The following RPS6KA2 variants were observed in gnomAD, a reference collection of about 807,000 sequenced individuals.
The protein encoded by RPS6KA2 is ribosomal protein S6 kinase A2.
RPS6KA2 carries 42 observed loss-of-function variants against 91.8 expected under a neutral mutation model. The ratio of observed to expected loss-of-function variants is 0.46; its 90% confidence interval spans 0.36 to 0.59. RPS6KA2 has a LOEUF of 0.59. Ranked by LOEUF, RPS6KA2 falls within the 20% of genes least tolerant of loss-of-function variation. RPS6KA2 has a pLI of 0.00. For missense variants in RPS6KA2, 798 were observed against 978.5 expected (o/e 0.82, Z 2.46); for synonymous variants, 414 against 393.6 (o/e 1.05, Z -0.61).
At chr6:166,428,078 A>G (rs1299635131) in intron 16 of RPS6KA2, among the ~76,000 whole-genome samples, 3 of 151,922 alleles carry the variant, frequency 2.0e-5, no homozygotes, top group Non-Finnish European at 4.4e-5. Context: ...AGTAACCAAA[A>G]CAGCATGGTA....
chr6:166,763,732 A>G (rs1370056666), intron 2 of RPS6KA2, among the ~76,000 whole-genome samples: 1 of 152,214 alleles, frequency 6.6e-6, no homozygotes, highest in Non-Finnish European at 1.5e-5. Flanking sequence ...GTGAGGCACC[A>G]CACGGATGAA....
intron 2 of RPS6KA2, among the ~76,000 whole-genome samples, chr6:166,811,255 G>A (rs78272249): frequency 2.1e-3 from 321 of 152,318 alleles, no homozygotes; most frequent in African/African-American, 7.3e-3. Flanking sequence ...TCAGCCAAGT[G>A]GGACTGGACT....
chr6:166,488,791 G>T lies in RPS6KA2; in HGVS notation c.907+42C>A, dbSNP rs770530236. ...TCTCCACTGTAGCTTGCGGGGCAGC[G>T]CCCTGCACGTTCCCGTGGTGGGGTG... On this transcript the variant is annotated intron_variant, in intron 10 of 20. Coordinates refer to ENST00000265678, the MANE Select transcript of RPS6KA2 (RefSeq NM_021135.6). The T allele has an allele frequency of 6.7e-6, 10 of 1,495,568 alleles. No homozygotes were observed. In the African/African-American group the frequency reaches 6.9e-5, roughly 10 times the overall value. The allele number at this position is 1,495,568 out of a possible 1,614,324, so 92.6% of individuals were successfully genotyped here.
At chr6:166,629,115 C>T (rs143404643), upstream of RPS6KA2, among the ~76,000 whole-genome samples, 663 of 152,340 alleles carry the variant, frequency 4.4e-3, 7 homozygotes, top group South Asian at 0.025. Flanking sequence ...ACACTCTGTA[C>T]CCAGCACGGG....
intron 2 of RPS6KA2, among the ~76,000 whole-genome samples, chr6:166,786,955 G>A (rs1421662612): frequency 2.0e-5 from 3 of 152,058 alleles, no homozygotes; most frequent in African/African-American, 7.2e-5. Context: ...TTGCAATGTG[G>A]GTTTTAAATG....
chr6:166,811,788 A>G (rs575145232), intron 2 of RPS6KA2, among the ~76,000 whole-genome samples: 34 of 152,226 alleles, frequency 2.2e-4, no homozygotes, highest in Non-Finnish European at 3.2e-4. Context: ...GTCTTGGTGA[A>G]CCACCCATTC....
At chr6:166,749,780 C>T (rs1791218435) in intron 2 of RPS6KA2, among the ~76,000 whole-genome samples, 1 of 143,376 alleles carries the variant, frequency 7.0e-6, no homozygotes, top group Non-Finnish European at 1.5e-5. Flanking sequence ...CCCATTTCCT[C>T]AGGTCCCCAT....
intron 2 of RPS6KA2, among the ~76,000 whole-genome samples, chr6:166,705,206 C>T (rs182081610): frequency 5.3e-5 from 8 of 152,306 alleles, no homozygotes; most frequent in Non-Finnish European, 8.8e-5. Context: ...AGATGGTATC[C>T]GTCCAATTGT....
chr6:166,832,573 AAACT>A (rs1194560832), intron 2 of RPS6KA2, among the ~76,000 whole-genome samples: 1 of 152,180 alleles, frequency 6.6e-6, no homozygotes, highest in African/African-American at 2.4e-5. Flanking sequence ...ATGTCAAGAG[AAACT>A]AACTCCATCT....
At chr6:166,738,378 C>T (rs113952553) in intron 2 of RPS6KA2, among the ~76,000 whole-genome samples, 4,331 of 152,070 alleles carry the variant, frequency 0.028, 181 homozygotes, top group African/African-American at 0.097. Flanking sequence ...AGGAAGGCCT[C>T]GGGGGGATGG....
At chr6:166,613,602 T>C (rs1056803415) in intron 1 of RPS6KA2, among the ~76,000 whole-genome samples, 1 of 152,236 alleles carries the variant, frequency 6.6e-6, no homozygotes, top group Non-Finnish European at 1.5e-5. Flanking sequence ...GCAAGGCCTG[T>C]CCACCCTGGT....
chr6:166,460,812 C>G (rs9347128), intron 11 of RPS6KA2: 83,592 of 152,178 alleles, frequency 0.55, 25,561 homozygotes, highest in African/African-American at 0.83. Flanking sequence ...CAGTTCTGGA[C>G]TCAGGGACCC....
At chr6:166,723,856 C>T (rs553075523) in intron 2 of RPS6KA2, among the ~76,000 whole-genome samples, 40 of 152,048 alleles carry the variant, frequency 2.6e-4, no homozygotes, top group East Asian at 1.7e-3. Context: ...CGCGCCACCA[C>T]GCCCAGCTAA....
chr6:166,594,015 G>T (rs1486045851), intron 1 of RPS6KA2, among the ~76,000 whole-genome samples: 1 of 152,192 alleles, frequency 6.6e-6, no homozygotes, highest in Non-Finnish European at 1.5e-5. Context: ...AAAGTGCACG[G>T]ACAATTCTGT....
chr6:166,787,044 C>A (rs950030714), intron 2 of RPS6KA2, among the ~76,000 whole-genome samples: 1 of 152,074 alleles, frequency 6.6e-6, no homozygotes, highest in Non-Finnish European at 1.5e-5. Flanking sequence ...AAACTCAATC[C>A]AGAATTTAAA....
At position 166,519,242 on chromosome 6, in the gene RPS6KA2, A is replaced by G. The variant is rs185913090; in HGVS notation, c.299-8885T>C. Among the ~76,000 whole-genome samples the G allele has an allele frequency of 7.4e-4, 112 of 152,312 alleles. No individual in the cohort carries two copies. In the South Asian group the frequency reaches 7.7e-3, roughly 10 times the overall value. ...ATTTCCTGTTGGGTAGTTCTAGACTACTGGAGACTCTGGAGCCAGGCCATT... is the reference window on the plus strand; with the variant it reads ...ATTTCCTGTTGGGTAGTTCTAGACTGCTGGAGACTCTGGAGCCAGGCCATT... On this transcript the variant is annotated intron_variant, in intron 3 of 20. Coordinates refer to ENST00000265678, the MANE Select transcript of RPS6KA2 (RefSeq NM_021135.6).
At chr6:166,479,113 C>T (rs1781090941) in intron 10 of RPS6KA2, among the ~76,000 whole-genome samples, 1 of 152,212 alleles carries the variant, frequency 6.6e-6, no homozygotes, top group African/African-American at 2.4e-5. Flanking sequence ...CTTCTGAGAT[C>T]CATTTTGTGC....
intron 1 of RPS6KA2, among the ~76,000 whole-genome samples, chr6:166,559,314 T>C (rs1296103375): frequency 1.3e-5 from 2 of 152,192 alleles, no homozygotes; most frequent in East Asian, 3.8e-4. Context: ...GATAGAGGCA[T>C]GTAACAGGAG....
intron 10 of RPS6KA2, among the ~76,000 whole-genome samples, chr6:166,483,873 A>T (rs1039032520): frequency 1.3e-5 from 2 of 152,268 alleles, no homozygotes; most frequent in African/African-American, 4.8e-5. Context: ...CTTGTCATGA[A>T]GATCGGAGGA....
Sources: allele counts gnomAD v4.1 joint callset (sites outside exome capture counted in the v4.1 genomes callset), GRCh38; gene constraint gnomAD v4.1.1; transcripts MANE v1.5; gene names NCBI Gene and HGNC (gene_info 2026-07-23, HGNC 2026-07-21).